Variants in MON1A observed in about 807,000 individuals in gnomAD.
MON1A encodes the protein vacuolar fusion protein MON1 homolog A.
MON1A carries 29 observed loss-of-function variants against 44.6 expected under a neutral mutation model. The ratio of observed to expected loss-of-function variants is 0.65; its 90% CI spans 0.48 to 0.89. The LOEUF (loss-of-function observed/expected upper bound fraction) is 0.89, where lower values mean the gene tolerates loss of function less well. MON1A is among the 40% of genes least tolerant of loss of function. The pLI, the probability that MON1A is intolerant of heterozygous loss-of-function variation, is 0.00. For synonymous variants in MON1A, 275 were observed against 316.4 expected, an observed-to-expected ratio of 0.87 and a Z score of 1.39; for missense variants, 615 against 759.6, an observed-to-expected ratio of 0.81 and a Z score of 2.24.
chr3:49,910,633 G>A lies in MON1A; in HGVS notation c.865C>T (p.Leu289=). ...LQLMARDPSF[L]MGAARCLPLA... Reference sequence around the variant, plus strand: ...GGCAGGCACCGTGCCGCCCCCATCAGGAAGCTGGGGTCTCGTGCCATGAGC... The same window carrying A: ...GGCAGGCACCGTGCCGCCCCCATCAAGAAGCTGGGGTCTCGTGCCATGAGC... Residue 289 remains leucine, a synonymous_variant, in exon 4 of 6, where the codon CTG becomes TTG. Coordinates refer to ENST00000296473, the MANE Select transcript of MON1A (RefSeq NM_032355.4). The surrounding 1 kb of genome is among the most constrained non-coding windows in gnomAD (Gnocchi z 8.0). 1 of 1,603,228 alleles carries A rather than the reference G, an allele frequency of 6.2e-7. No individual in the cohort carries two copies. The highest frequency in any genetic ancestry group is 1.3e-5 in the African/African-American group (1 of 74,822).
At position 49,929,704 on chromosome 3, in the gene MON1A, T is replaced by A. The variant is rs1321094681; in HGVS notation, c.-109A>T. 1 of 1,550,636 alleles carries A rather than the reference T, an allele frequency of 6.4e-7. No individual in the cohort carries two copies. The highest frequency in any genetic ancestry group is 8.7e-7 in the Non-Finnish European group (1 of 1,146,816). On this transcript the variant is annotated 5_prime_UTR_variant, in exon 1 of 6. Coordinates refer to ENST00000296473, the MANE Select transcript of MON1A (RefSeq NM_032355.4). Reference sequence around the variant, plus strand: ...TAAGGGTGTCCGGCCGGGGCCGGCCTGAGGGCACAGCTTCGCGGGGCCCCG... The same window carrying A: ...TAAGGGTGTCCGGCCGGGGCCGGCCAGAGGGCACAGCTTCGCGGGGCCCCG...
chr3:49,909,947 G>A lies in MON1A; in HGVS notation c.1379+172C>T. 3 of 708,218 alleles carry A rather than the reference G, an allele frequency of 4.2e-6. No homozygotes were observed. Among genetic ancestry groups the A allele is most frequent in the Non-Finnish European group, 2.4e-6 (1 of 414,264 alleles). The allele number at this position is 708,218 out of a possible 1,614,324, so 43.9% of individuals were successfully genotyped here. Reference sequence around the variant, plus strand: ...AAAGTAGAGAGGGTATGCTCATGGGGTGATGGAGAGTCTGGGTCTCTGGTG... The same window carrying A: ...AAAGTAGAGAGGGTATGCTCATGGGATGATGGAGAGTCTGGGTCTCTGGTG... On this transcript the variant is annotated intron_variant, in intron 4 of 5. Transcript: ENST00000296473. This position sits in a 1 kb window ranked among gnomAD's most constrained non-coding sequence, Gnocchi z 4.0.
intron 1 of MON1A, among the ~76,000 whole-genome samples, chr3:49,921,567 G>A (rs547366255): frequency 2.0e-5 from 3 of 146,458 alleles, no homozygotes; most frequent in South Asian, 2.2e-4. Context: ...TCAGGATATC[G>A]AGACCACTCT....
In MON1A at chr3:49,909,097, C is replaced by A. The variant is rs748487190; in HGVS notation, c.1585G>T (p.Ala529Ser). ...CYSPLGTKASAVSAIHKLMRW... is the reference protein window; with the variant it reads ...CYSPLGTKASSVSAIHKLMRW... ...ATCAGCTTATGGATGGCACTGACGG[C>A]TGACGCCTTGGTCCCCAGGGGGCTG... The change falls in exon 6 of 6, where the codon GCC becomes TCC. Residue 529 changes from alanine (A) to serine (S), a missense_variant. By Grantham distance (99) the Ala-to-Ser change is moderately conservative (BLOSUM62 1). Transcript: ENST00000296473. This position sits in a 1 kb window ranked among gnomAD's most constrained non-coding sequence, Gnocchi z 4.0. 1 of 1,613,708 alleles carries A rather than the reference C, an allele frequency of 6.2e-7. No homozygotes were observed. Among genetic ancestry groups the A allele is most frequent in the Non-Finnish European group, 8.5e-7 (1 of 1,179,730 alleles).
chr3:49,915,398 A>G (rs2082935184), intron 1 of MON1A, among the ~76,000 whole-genome samples: 1 of 152,178 alleles, frequency 6.6e-6, no homozygotes, highest in South Asian at 2.1e-4. Flanking sequence ...GCATGGTGGC[A>G]TGTGCCTGTA....
At chr3:49,923,810 C>T (rs534314661) in intron 1 of MON1A, 2 of 149,092 alleles carry the variant, frequency 1.3e-5, no homozygotes, top group African/African-American at 2.4e-5. Context: ...CGGCCGGGCA[C>T]GGTTTCTCAC....
At position 49,910,767 on chromosome 3, in the gene MON1A, A is replaced by G; in HGVS notation, c.731T>C (p.Leu244Pro). The G allele has an allele frequency of 6.2e-7, 1 of 1,614,142 alleles. No individual in the cohort carries two copies. Among genetic ancestry groups the G allele is most frequent in the Non-Finnish European group, 8.5e-7 (1 of 1,180,010 alleles). The change falls in exon 4 of 6, where the codon CTA becomes CCA. Residue 244 changes from leucine to proline, a missense_variant. Transcript: ENST00000296473. This position sits in a 1 kb window ranked among gnomAD's most constrained non-coding sequence, Gnocchi z 8.0. ...QELLYIYYQI[L>P]SLLTGAQLSH... ...CAGCTGCGCACCGGTAAGAAGGCTTAGGATCTGGTAGTAGATGTAGAGCAG... is the reference window on the plus strand; with the variant it reads ...CAGCTGCGCACCGGTAAGAAGGCTTGGGATCTGGTAGTAGATGTAGAGCAG...
intron 1 of MON1A, among the ~76,000 whole-genome samples, chr3:49,923,207 G>A (rs2083017707): frequency 6.6e-6 from 1 of 151,362 alleles, no homozygotes; most frequent in South Asian, 2.1e-4. Flanking sequence ...CGGGTGTGGT[G>A]GCGCATGCCT....
chr3:49,910,883 A>G lies in MON1A; in HGVS notation c.615T>C (p.Asp205=). Residue 205 remains aspartate, a splice_region_variant and synonymous_variant, in exon 4 of 6, where the codon GAT becomes GAC. Transcript: ENST00000296473. The surrounding 1 kb of genome is among the most constrained non-coding windows in gnomAD (Gnocchi z 8.0). The part of the protein sequence containing the change: ...DKNAIRSIHA[D]GYKVVFVRRS... Reference sequence around the variant, plus strand: ...GGCGCACGAATACTACCTTGTAGCCATCTGAGAGCGGGACAGGAAAGAAGG... The same window carrying G: ...GGCGCACGAATACTACCTTGTAGCCGTCTGAGAGCGGGACAGGAAAGAAGG... 1 of 1,594,002 alleles carries G rather than the reference A, an allele frequency of 6.3e-7. No homozygotes were observed. The highest frequency in any genetic ancestry group is 8.6e-7 in the Non-Finnish European group (1 of 1,165,880).
rs1315607814 is a variant in MON1A, at chr3:49,911,149, G to C, written c.614-265C>G. On this transcript the variant is annotated intron_variant, in intron 3 of 5. Transcript: ENST00000296473. This position sits in a 1 kb window ranked among gnomAD's most constrained non-coding sequence, Gnocchi z 5.7. ...TGCTAAGTCAACTGGCAACTGGCAA[G>C]GGCTGGCTGGGTGGAGCTCAGGACC... is the stretch of plus-strand genomic sequence containing the variant. Among the ~76,000 whole-genome samples, 1 of 142,516 alleles carries C rather than the reference G, an allele frequency of 7.0e-6. No homozygotes were observed. Among genetic ancestry groups the C allele is most frequent in the Non-Finnish European group, 1.6e-5 (1 of 64,200 alleles). The allele number at this position is 142,516 out of a possible 152,430, so 93.5% of individuals were successfully genotyped here. A position where few individuals can be genotyped will look rare whatever the true frequency, so the allele number is the denominator to read the frequency against.
At position 49,910,970 on chromosome 3, in the gene MON1A, C is replaced by T; in HGVS notation, c.614-86G>A. On this transcript the variant is annotated intron_variant, in intron 3 of 5. Transcript: ENST00000296473. The surrounding 1 kb of genome is among the most constrained non-coding windows in gnomAD (Gnocchi z 8.0). ...CTTCCAGCGCAGCTCTTCGCTTTCCCCATCCTTTCCTCGCTCAGAGCTCTG... is the reference window on the plus strand; with the variant it reads ...CTTCCAGCGCAGCTCTTCGCTTTCCTCATCCTTTCCTCGCTCAGAGCTCTG... The T allele has an allele frequency of 7.6e-7, 1 of 1,312,010 alleles. No individual in the cohort carries two copies. Among genetic ancestry groups the T allele is most frequent in the Non-Finnish European group, 1.0e-6 (1 of 959,136 alleles). 81.3% of individuals were successfully genotyped at this position (1,312,010 alleles called of 1,614,324 possible). A position where few individuals can be genotyped will look rare whatever the true frequency, so the allele number is the denominator to read the frequency against.
At chr3:49,914,956 C>T (rs2082930945) in intron 1 of MON1A, among the ~76,000 whole-genome samples, 1 of 152,228 alleles carries the variant, frequency 6.6e-6, no homozygotes, top group African/African-American at 2.4e-5. Context: ...GTTGGAATTA[C>T]AGGCATGAGC....
At position 49,911,844 on chromosome 3, in the gene MON1A, T is replaced by C; in HGVS notation, c.295A>G (p.Thr99Ala). 6.2e-7 allele frequency: 1 copy of C among 1,614,068 alleles called. No homozygotes were observed. Residue 99 changes from threonine (T) to alanine (A), a missense_variant, in exon 3 of 6, where the codon ACC (threonine) becomes GCC (alanine). Coordinates refer to ENST00000296473, the MANE Select transcript of MON1A (RefSeq NM_032355.4). This position sits in a 1 kb window ranked among gnomAD's most constrained non-coding sequence, Gnocchi z 5.7. ...TCCCGGGCCACACCCGTCAGCTGGG[T>C]GCTTAGCTCGCTAAAGTCCTGGCTG... ...QISQDFSELS[T>A]QLTGVARDLQ...
At chr3:49,923,773 C>T (rs1005557272) in intron 1 of MON1A, among the ~76,000 whole-genome samples, 1 of 148,814 alleles carries the variant, frequency 6.7e-6, no homozygotes, top group South Asian at 2.4e-4. Flanking sequence ...CTCATTCTTT[C>T]AGTTGTTTGG....
rs772209896 is a variant in MON1A, at chr3:49,910,511, G to C, written c.987C>G (p.Leu329=). 9.3e-6 allele frequency: 15 copies of C among 1,613,736 alleles called. No homozygotes were observed. Among genetic ancestry groups the C allele is most frequent in the Non-Finnish European group, 1.7e-6 (2 of 1,179,898 alleles). The change falls in exon 4 of 6, where the codon CTC becomes CTG. Residue 329 remains leucine, a synonymous_variant. Coordinates refer to ENST00000296473, the MANE Select transcript of MON1A (RefSeq NM_032355.4). This position sits in a 1 kb window ranked among gnomAD's most constrained non-coding sequence, Gnocchi z 8.0. ...VFSILLARNQ[L]VALVRRKDQF... is the part of the protein sequence containing the mutation. ...GGTCCTTTCGGCGCACGAGTGCCAC[G>C]AGCTGGTTGCGGGCCAGCAGGATGG... is the stretch of plus-strand genomic sequence containing the variant.
chr3:49,924,537 GGT>G, intron 1 of MON1A: 1 of 298,158 alleles, frequency 3.4e-6, no homozygotes, highest in Non-Finnish European at 7.0e-6. Flanking sequence ...AAATTACCTA[GGT>G]GTCATGACGG....
At chr3:49,929,471 G>T in intron 1 of MON1A, 138 bp downstream of exon 1, 1 of 992,342 alleles carries the variant, frequency 1.0e-6, no homozygotes, top group Non-Finnish European at 1.5e-6. Flanking sequence ...CTGAGGGACC[G>T]CAGGGAGACA....
chr3:49,922,112 G>C (rs1393271798), intron 1 of MON1A, among the ~76,000 whole-genome samples: 4 of 148,384 alleles, frequency 2.7e-5, no homozygotes, highest in Non-Finnish European at 5.9e-5. Context: ...ACTCCAGCCT[G>C]GGCAATAAGA....
Position 49,911,444 on chromosome 3 carries a change from T to C in MON1A, c.613+82A>G, listed in dbSNP as rs1363761161. 1.6e-5 allele frequency: 25 copies of C among 1,518,362 alleles called. No homozygotes were observed. The East Asian group carries it at 5.0e-4, about 30-fold the overall frequency. 94.1% of individuals were successfully genotyped at this position (1,518,362 alleles called of 1,614,324 possible). ...TCAGTCACACAGCACATCCCAGCCC[T>C]CTGGTCTGCAGGGGTCCAAAACCTG... On this transcript the variant is annotated intron_variant, in intron 3 of 5. Transcript: ENST00000296473. The surrounding 1 kb of genome is among the most constrained non-coding windows in gnomAD (Gnocchi z 5.7).
Sources: allele counts gnomAD v4.1 joint callset (sites outside exome capture counted in the v4.1 genomes callset), GRCh38; gene constraint gnomAD v4.1.1; non-coding constraint Gnocchi (gnomAD v3.1); transcripts MANE v1.5; gene names NCBI Gene and HGNC (gene_info 2026-07-23, HGNC 2026-07-21).